The following DNAH2 variants were observed in gnomAD, a reference collection of about 807,000 sequenced individuals.
The protein encoded by DNAH2 is dynein axonemal heavy chain 2.
Under a neutral mutation model 523.5 loss-of-function variants are expected in DNAH2, and 323 were observed. The ratio of observed to expected loss-of-function variants is 0.62; its 90% CI spans 0.56 to 0.68. The LOEUF (loss-of-function observed/expected upper bound fraction) is 0.68. Among genes scored for constraint, DNAH2 ranks in the 30% least tolerant of loss-of-function variants. The pLI is 0.00. For synonymous variants in DNAH2, 2,093 were observed against 2,177.4 expected, an observed-to-expected ratio of 0.96 and a Z score of 1.08; for missense variants, 4,907 against 5,701.5, an observed-to-expected ratio of 0.86 and a Z score of 4.49.
chr17:7,824,026 C>T (rs1306753324), intron 75 of DNAH2, 44 bp downstream of exon 75: 3 of 1,598,014 alleles, frequency 1.9e-6, no homozygotes, highest in South Asian at 1.1e-5. Flanking sequence ...ATGGGTCTTT[C>T]CTGCCTCCCT....
Position 7,807,127 on chromosome 17 carries a change from G to C in DNAH2, c.9443-23G>C. Reference sequence around the variant, plus strand: ...AGGATGGCATTAAGCCTCTGGCTAAGGCCCCTAATTTTCATCCCACAGGGG... The same window carrying C: ...AGGATGGCATTAAGCCTCTGGCTAACGCCCCTAATTTTCATCCCACAGGGG... On this transcript the variant is annotated intron_variant, in intron 61 of 85. Coordinates refer to ENST00000572933, the MANE Select transcript of DNAH2 (RefSeq NM_020877.5). The surrounding 1 kb of genome is among the most constrained non-coding windows in gnomAD (Gnocchi z 5.6). The C allele has an allele frequency of 6.3e-7, 1 of 1,598,848 alleles. No homozygotes were observed. The highest frequency in any genetic ancestry group is 1.1e-5 in the South Asian group (1 of 90,734).
chr17:7,740,063 G>GC (rs1305524239), intron 9 of DNAH2, 125 bp downstream of exon 9: 15 of 400,502 alleles, frequency 3.7e-5, no homozygotes, highest in East Asian at 3.0e-4. Context: ...CAGGGCGGTG[G>GC]CCCGGGGGGG....
At position 7,823,605 on chromosome 17, in the gene DNAH2, C is replaced by A; in HGVS notation, c.11306C>A (p.Ala3769Asp). 1 of 1,614,090 alleles carries A rather than the reference C, an allele frequency of 6.2e-7. No individual in the cohort carries two copies. ...TGGCACCTGTGGTATACCAATGCTG[C>A]CCCGGAGAAGGCGATGCTGCCAGGT... ...RDWHLWYTNA[A>D]PEKAMLPGEW... Residue 3769 changes from alanine to aspartate, a missense_variant, in exon 74 of 86, where the codon GCC (alanine) becomes GAC (aspartate). Around this residue, in one of 3 missense-constraint regions of DNAH2, gnomAD observed 1,851 missense variants for 2,139.4 expected, o/e 0.87. Transcript: ENST00000572933.
In DNAH2 at chr17:7,771,326, T is replaced by C. The variant is rs201992594; in HGVS notation, c.4363-4T>C. 1.0e-4 allele frequency: 168 copies of C among 1,614,070 alleles called. 1 individual carries two copies. The Middle Eastern group carries it at 2.1e-3, about 21-fold the overall frequency. On this transcript the variant is annotated splice_region_variant and splice_polypyrimidine_tract_variant and intron_variant, in intron 27 of 85. Transcript: ENST00000572933. ...CCTCTCACCCCAACTTTTGGCCCCC[T>C]CAGAATATCTTCCTAGGAGAAGACA...
chr17:7,752,437 G>A (rs770597028), intron 12 of DNAH2, among the ~76,000 whole-genome samples: 7 of 152,086 alleles, frequency 4.6e-5, no homozygotes, highest in Non-Finnish European at 8.8e-5. Flanking sequence ...CAGGCCGCGC[G>A]CGGTGGCTCA....
Position 7,807,339 on chromosome 17 carries a change from G to A in DNAH2, c.9612+20G>A. The stretch of plus-strand genomic sequence containing the variant: ...ATGGAGGTAAAGGCGTCAGGGCTGG[G>A]GCGGGGCGGTAGGGAGGGCAGGCCT... On this transcript the variant is annotated intron_variant, in intron 62 of 85. Transcript: ENST00000572933. This position sits in a 1 kb window ranked among gnomAD's most constrained non-coding sequence, Gnocchi z 5.6. The A allele has an allele frequency of 6.2e-7, 1 of 1,608,504 alleles. No individual in the cohort carries two copies. The highest frequency in any genetic ancestry group is 8.5e-7 in the Non-Finnish European group (1 of 1,177,628).
chr17:7,741,014 T>A (rs550255092), intron 11 of DNAH2, 22 bp downstream of exon 11: 1 of 1,581,024 alleles, frequency 6.3e-7, no homozygotes, highest in Non-Finnish European at 8.6e-7. Context: ...GCCTTCTCCA[T>A]ATTCTGTCGT....
At chr17:7,765,911 T>C (rs1292302424) in intron 21 of DNAH2, among the ~76,000 whole-genome samples, 1 of 152,038 alleles carries the variant, frequency 6.6e-6, no homozygotes, top group Non-Finnish European at 1.5e-5. Context: ...CCCGAGTAGC[T>C]GGGACTACAG....
In DNAH2 at chr17:7,776,069, G is replaced by A. The variant is rs776103726; in HGVS notation, c.4867G>A (p.Asp1623Asn). 4 of 1,614,124 alleles carry A rather than the reference G, an allele frequency of 2.5e-6. No homozygotes were observed. The highest frequency in any genetic ancestry group is 3.4e-6 in the Non-Finnish European group (4 of 1,179,986). The change falls in exon 31 of 86, where the codon GAC becomes AAC. Residue 1623 changes from aspartate to asparagine, a missense_variant. By Grantham distance (23) the Asp-to-Asn change is conservative. This residue lies in a region of DNAH2 where 2,806 missense variants were observed against 3,190.8 expected (regional missense o/e 0.88). Transcript: ENST00000572933. ...VEQTMRVTLR[D>N]LLRNCHLALR... is the part of the protein sequence containing the mutation. ...ACAGACCATGAGGGTGACCCTGCGG[G>A]ACCTTCTCCGGAACTGCCACCTGGC... is the stretch of plus-strand genomic sequence containing the variant.
chr17:7,825,388 T>C lies in DNAH2; in HGVS notation c.11853+661T>C, dbSNP rs117860139. Reference sequence around the variant, plus strand: ...CCTGTGAAAAGCACATGGACCAGTATGTATCATCCTCAACAGATAAGAGCT... The same window carrying C: ...CCTGTGAAAAGCACATGGACCAGTACGTATCATCCTCAACAGATAAGAGCT... On this transcript the variant is annotated intron_variant, in intron 77 of 85. Transcript: ENST00000572933. Among the ~76,000 whole-genome samples, 116 of 152,350 alleles carry C rather than the reference T, an allele frequency of 7.6e-4. 1 individual carries two copies. The East Asian group carries it at 0.022, about 29-fold the overall frequency.
At chr17:7,730,473 A>G (rs1231241046) in intron 4 of DNAH2, among the ~76,000 whole-genome samples, 1 of 152,218 alleles carries the variant, frequency 6.6e-6, no homozygotes, top group Non-Finnish European at 1.5e-5. Flanking sequence ...TGCAGAAGGA[A>G]CTGAATCTGG....
intron 12 of DNAH2, 34 bp from the exon 13 acceptor site, chr17:7,757,057 G>A (rs752113965): frequency 1.4e-5 from 22 of 1,612,398 alleles, no homozygotes; most frequent in Admixed American, 3.3e-5. Context: ...CCCCTCGTGC[G>A]GTCCCCTCAC....
intron 3 of DNAH2, among the ~76,000 whole-genome samples, chr17:7,725,313 C>T (rs1299947611): frequency 6.6e-6 from 1 of 151,100 alleles, no homozygotes; most frequent in African/African-American, 2.4e-5. Context: ...TGGTCTTGAA[C>T]TCCTGACCTC....
intron 44 of DNAH2, among the ~76,000 whole-genome samples, chr17:7,789,940 C>G (rs1010640837): frequency 6.6e-6 from 1 of 152,166 alleles, no homozygotes; most frequent in Non-Finnish European, 1.5e-5. Flanking sequence ...CCAAGTGTAT[C>G]ACATTATCTG....
At position 7,759,938 on chromosome 17, in the gene DNAH2, G is replaced by C; in HGVS notation, c.2785G>C (p.Glu929Gln). Residue 929 changes from glutamate (E) to glutamine (Q), a missense_variant and splice_region_variant, in exon 17 of 86, where the codon GAG becomes CAG. By Grantham distance (29) the Glu-to-Gln change is conservative (BLOSUM62 2). Coordinates refer to ENST00000572933, the MANE Select transcript of DNAH2 (RefSeq NM_020877.5). ...TCGTGAACCCATCCAAACAGTTGTGGGTGAGTGGGCAACGGGGAGGGCACA... is the reference window on the plus strand; with the variant it reads ...TCGTGAACCCATCCAAACAGTTGTGCGTGAGTGGGCAACGGGGAGGGCACA... ...LHREPIQTVVEQDEDIKKIQT... is the reference protein window; with the variant it reads ...LHREPIQTVVQQDEDIKKIQT... 5 of 1,614,176 alleles carry C rather than the reference G, an allele frequency of 3.1e-6. No individual in the cohort carries two copies. Among genetic ancestry groups the C allele is most frequent in the Non-Finnish European group, 4.2e-6 (5 of 1,180,036 alleles).
rs907703206 is a variant in DNAH2, at chr17:7,828,167, C to T, written c.11854-2133C>T. 6.6e-6 allele frequency among the ~76,000 whole-genome samples: 1 copy of T among 152,122 alleles called. No individual in the cohort carries two copies. The highest frequency in any genetic ancestry group is 6.5e-5 in the Admixed American group (1 of 15,282). ...CTCCTGGACTTAAGCTGTCCTCCCA[C>T]TTCAGCCTCCCAAACTGCTGGGATT... is the stretch of plus-strand genomic sequence containing the variant. On this transcript the variant is annotated intron_variant, in intron 77 of 85. Coordinates refer to ENST00000572933, the MANE Select transcript of DNAH2 (RefSeq NM_020877.5). This position sits in a 1 kb window ranked among gnomAD's most constrained non-coding sequence, Gnocchi z 4.1.
intron 27 of DNAH2, 117 bp downstream of exon 27, chr17:7,771,050 T>C (rs772000361): frequency 7.8e-5 from 91 of 1,169,852 alleles, no homozygotes; most frequent in Non-Finnish European, 1.0e-4. Flanking sequence ...TCACTCTTCA[T>C]CTAGGACCCA....
Position 7,799,232 on chromosome 17 carries a change from G to C in DNAH2, c.8689G>C (p.Asp2897His). 1.2e-6 allele frequency: 2 copies of C among 1,614,144 alleles called. No homozygotes were observed. Among genetic ancestry groups the C allele is most frequent in the South Asian group, 2.2e-5 (2 of 91,082 alleles). ...HIVLCLSPMG[D>H]PFRNWIRQYP... ...CGTGCTCTGCCTCAGCCCCATGGGGGATCCCTTCAGGTGACTTCTGTGACA... is the reference window on the plus strand; with the variant it reads ...CGTGCTCTGCCTCAGCCCCATGGGGCATCCCTTCAGGTGACTTCTGTGACA... The change falls in exon 56 of 86, where the codon GAT (aspartate) becomes CAT (histidine). Residue 2897 changes from aspartate (D) to histidine (H), a missense_variant. Asp to His is a moderately conservative substitution (Grantham distance 81, BLOSUM62 -1). Around this residue, in one of 3 missense-constraint regions of DNAH2, gnomAD observed 1,851 missense variants for 2,139.4 expected, o/e 0.87. Coordinates refer to ENST00000572933, the MANE Select transcript of DNAH2 (RefSeq NM_020877.5).
chr17:7,719,913 TG>T lies in DNAH2; in HGVS notation c.166+17del. The T allele has an allele frequency of 6.6e-7, 1 of 1,508,380 alleles. No homozygotes were observed. The allele number at this position is 1,508,380 out of a possible 1,614,324, so 93.4% of individuals were successfully genotyped here. ...AAGGAGGAGCCTGGTGGGTACTTGC[TG>T]GGGCAGAGGATGCTTAGCAATGGAG... On this transcript the variant is annotated intron_variant, in intron 2 of 85. Transcript: ENST00000572933.
Sources: allele counts gnomAD v4.1 joint callset (sites outside exome capture counted in the v4.1 genomes callset), GRCh38; gene constraint gnomAD v4.1.1; regional missense constraint gnomAD v4.1.1; non-coding constraint Gnocchi (gnomAD v3.1); transcripts MANE v1.5; gene names NCBI Gene and HGNC (gene_info 2026-07-23, HGNC 2026-07-21).